AGPAT4: variants seen among roughly 807,000 people sequenced by gnomAD.
The protein encoded by AGPAT4 is 1-acyl-sn-glycerol-3-phosphate acyltransferase delta.
AGPAT4 carries 15 observed loss-of-function variants against 48.0 expected under a neutral mutation model. The observed-to-expected ratio is 0.31, with a 90% confidence interval of 0.21 to 0.48. AGPAT4 has a LOEUF of 0.48. Among genes scored for constraint, AGPAT4 ranks in the 20% least tolerant of loss-of-function variants. The pLI is 0.99. For synonymous variants in AGPAT4, 178 were observed against 198.7 expected, an observed-to-expected ratio of 0.90 and a Z score of 0.88; for missense variants, 314 against 482.5, an observed-to-expected ratio of 0.65 and a Z score of 3.27.
At position 161,214,303 on chromosome 6, in the gene AGPAT4, C is replaced by A. The variant is rs1418648486; in HGVS notation, c.178+17733G>T. Among the ~76,000 whole-genome samples the A allele has an allele frequency of 2.0e-5, 3 of 152,200 alleles. No homozygotes were observed. Among genetic ancestry groups the A allele is most frequent in the African/African-American group, 4.8e-5 (2 of 41,448 alleles). ...TTGTCAGGACCTCCTGAGGCTGTGT[C>A]ACAGGCACACATCCTCAACCTTGAC... On this transcript the variant is annotated intron_variant, in intron 2 of 8. Coordinates refer to ENST00000320285, the MANE Select transcript of AGPAT4 (RefSeq NM_020133.3). The surrounding 1 kb of genome is among the most constrained non-coding windows in gnomAD (Gnocchi z 5.4).
At chr6:161,228,009 T>A (rs891199989) in intron 2 of AGPAT4, among the ~76,000 whole-genome samples, 1 of 152,160 alleles carries the variant, frequency 6.6e-6, no homozygotes, top group African/African-American at 2.4e-5. Context: ...TGTGTTGAAG[T>A]TACCTGTCCA....
intron 8 of AGPAT4, among the ~76,000 whole-genome samples, chr6:161,136,984 G>GAAGT (rs1457668571): frequency 2.0e-5 from 3 of 152,206 alleles, no homozygotes; most frequent in Admixed American, 6.5e-5. Context: ...TAAGGGACAG[G>GAAGT]AAGTTAACAG....
In AGPAT4 at chr6:161,201,806, T is replaced by C. The variant is rs907083516; in HGVS notation, c.178+30230A>G. On this transcript the variant is annotated intron_variant, in intron 2 of 8. Coordinates refer to ENST00000320285, the MANE Select transcript of AGPAT4 (RefSeq NM_020133.3). This position sits in a 1 kb window ranked among gnomAD's most constrained non-coding sequence, Gnocchi z 6.0. ...TTGGCTCTCTTCATTCTCTAACCAG[T>C]GCAAGAGGAAGTCCCATTTCACAGA... 1.3e-5 allele frequency among the ~76,000 whole-genome samples: 2 copies of C among 152,190 alleles called. No individual in the cohort carries two copies. Among genetic ancestry groups the C allele is most frequent in the Admixed American group, 1.3e-4 (2 of 15,282 alleles).
chr6:161,172,250 G>A (rs917989885), intron 2 of AGPAT4, among the ~76,000 whole-genome samples: 6 of 152,216 alleles, frequency 3.9e-5, no homozygotes, highest in Admixed American at 3.3e-4. Flanking sequence ...CAAGGAGGAA[G>A]GACATGGTCA....
In AGPAT4 at chr6:161,153,959, G is replaced by A. The variant is rs1182786556; in HGVS notation, c.510+190C>T. 5.0e-5 allele frequency: 35 copies of A among 703,528 alleles called. 1 individual carries two copies. The highest frequency in any genetic ancestry group is 2.6e-4 in the East Asian group (9 of 34,190). The allele number at this position is 703,528 out of a possible 1,614,324, so 43.6% of individuals were successfully genotyped here. On this transcript the variant is annotated intron_variant, in intron 4 of 8. Transcript: ENST00000320285. ...GTCATACACGGCCCCACAGTCATAC[G>A]TGGCCCCACGGTCACACACGGCCCC...
At position 161,130,767 on chromosome 6, in the gene AGPAT4, C is replaced by T; in HGVS notation, c.*5773G>A. ...GTTGTAGCCTTGGCACAGCTGAGGC[C>T]ATGCCATTGCTACCCGGAAGCTGGC... On this transcript the variant is annotated 3_prime_UTR_variant, in exon 9 of 9. Transcript: ENST00000320285. 1 of 496,940 alleles carries T rather than the reference C, an allele frequency of 2.0e-6. No homozygotes were observed. The highest frequency in any genetic ancestry group is 4.1e-6 in the Non-Finnish European group (1 of 245,416). 30.8% of individuals were successfully genotyped at this position (496,940 alleles called of 1,614,324 possible).
intron 2 of AGPAT4, among the ~76,000 whole-genome samples, chr6:161,205,002 G>C (rs1487961462): frequency 6.6e-6 from 1 of 152,168 alleles, no homozygotes; most frequent in Non-Finnish European, 1.5e-5. Context: ...AACCAGGAAG[G>C]AAGCCAGCCT....
At chr6:161,179,260 T>C (rs963620647) in intron 2 of AGPAT4, among the ~76,000 whole-genome samples, 14 of 152,188 alleles carry the variant, frequency 9.2e-5, no homozygotes, top group Non-Finnish European at 1.8e-4. Context: ...AGGACGTGTG[T>C]GGCTGGGAGC....
rs1193527276 is a variant in AGPAT4, at chr6:161,136,385, C to T, written c.*155G>A. ...ATTACAAAACATCTTCCTCCCCATC[C>T]GGCCTTGAGACCAGACTCCCTGGCT... On this transcript the variant is annotated 3_prime_UTR_variant, in exon 9 of 9. Coordinates refer to ENST00000320285, the MANE Select transcript of AGPAT4 (RefSeq NM_020133.3). The T allele has an allele frequency of 2.1e-5, 13 of 628,976 alleles. No homozygotes were observed. Among genetic ancestry groups the T allele is most frequent in the Admixed American group, 2.8e-5 (1 of 35,272 alleles). 39.0% of individuals were successfully genotyped at this position (628,976 alleles called of 1,614,324 possible). A position where few individuals can be genotyped will look rare whatever the true frequency, so the allele number is the denominator to read the frequency against.
At position 161,249,371 on chromosome 6, in the gene AGPAT4, AACAG is replaced by A. The variant is rs1349457994; in HGVS notation, c.-89-17073_-89-17070del. 3.3e-5 allele frequency among the ~76,000 whole-genome samples: 5 copies of A among 152,368 alleles called. No homozygotes were observed. In the East Asian group the frequency reaches 9.6e-4, roughly 29 times the overall value. On this transcript the variant is annotated intron_variant, in intron 1 of 8. Coordinates refer to ENST00000320285, the MANE Select transcript of AGPAT4 (RefSeq NM_020133.3). The surrounding 1 kb of genome is among the most constrained non-coding windows in gnomAD (Gnocchi z 6.2). ...AGCAAAGGAAACTATCAACTAAGTG[AACAG>A]ACAACCTACAGAATGGGATGATATA...
chr6:161,139,718 G>T lies in AGPAT4; in HGVS notation c.844-98C>A. ...CCAAGGGAATCGCAGAGATACACAG[G>T]TGCCACCGGGGCTCGGCAGAACTGG... On this transcript the variant is annotated intron_variant, in intron 7 of 8. Coordinates refer to ENST00000320285, the MANE Select transcript of AGPAT4 (RefSeq NM_020133.3). This position sits in a 1 kb window ranked among gnomAD's most constrained non-coding sequence, Gnocchi z 9.1. The T allele has an allele frequency of 9.2e-7, 1 of 1,092,746 alleles. No individual in the cohort carries two copies. Among genetic ancestry groups the T allele is most frequent in the Non-Finnish European group, 1.3e-6 (1 of 761,396 alleles). 67.7% of individuals were successfully genotyped at this position (1,092,746 alleles called of 1,614,324 possible). A position where few individuals can be genotyped will look rare whatever the true frequency, so the allele number is the denominator to read the frequency against.
chr6:161,224,398 C>T (rs1781913218), intron 2 of AGPAT4, among the ~76,000 whole-genome samples: 1 of 151,948 alleles, frequency 6.6e-6, no homozygotes, highest in Non-Finnish European at 1.5e-5. Context: ...AATCCCAGCA[C>T]TTTGGGAGGT....
chr6:161,223,593 AAT>A lies in AGPAT4; in HGVS notation c.178+8441_178+8442del. ...AACACGTGACAAATGTAGCGAGTGT[AAT>A]GACTGCAGCTGAAAATAGCTGTCCA... On this transcript the variant is annotated intron_variant, in intron 2 of 8. Transcript: ENST00000320285. This position sits in a 1 kb window ranked among gnomAD's most constrained non-coding sequence, Gnocchi z 6.3. 6.6e-6 allele frequency among the ~76,000 whole-genome samples: 1 copy of A among 152,230 alleles called. No homozygotes were observed. Among genetic ancestry groups the A allele is most frequent in the Non-Finnish European group, 1.5e-5 (1 of 68,052 alleles).
rs1783140267 is a variant in AGPAT4 at position 161,262,823 on chromosome 6, T to C, written c.-90+11115A>G. On this transcript the variant is annotated intron_variant, in intron 1 of 8. Transcript: ENST00000320285. This position sits in a 1 kb window ranked among gnomAD's most constrained non-coding sequence, Gnocchi z 4.9. The stretch of plus-strand genomic sequence containing the variant: ...AGATAACTCCAGTGAAAAAAACCTC[T>C]AGGAGAACATGAGGATAACGTCATA... Among the ~76,000 whole-genome samples the C allele has an allele frequency of 6.6e-6, 1 of 152,052 alleles. No individual in the cohort carries two copies. The highest frequency in any genetic ancestry group is 1.9e-4 in the East Asian group (1 of 5,184).
rs546808181 is a variant in AGPAT4, at chr6:161,171,469, C to T, written c.179-5052G>A. On this transcript the variant is annotated intron_variant, in intron 2 of 8. Coordinates refer to ENST00000320285, the MANE Select transcript of AGPAT4 (RefSeq NM_020133.3). The surrounding 1 kb of genome is among the most constrained non-coding windows in gnomAD (Gnocchi z 4.4). ...CTCAAGTGAGAGAAATAAGGGAAAG[C>T]GGCTGAACTCATCCACTTAGCAGGA... Among the ~76,000 whole-genome samples the T allele has an allele frequency of 4.6e-5, 7 of 152,324 alleles. No homozygotes were observed. Among genetic ancestry groups the T allele is most frequent in the Admixed American group, 2.0e-4 (3 of 15,304 alleles).
intron 2 of AGPAT4, among the ~76,000 whole-genome samples, chr6:161,224,173 CTTGT>C (rs1435729396): frequency 3.3e-5 from 5 of 152,138 alleles, no homozygotes; most frequent in South Asian, 2.1e-4. Flanking sequence ...TTTGTTGTTG[CTTGT>C]TTGTTTGTTT....
Position 161,154,279 on chromosome 6 carries a change from G to A in AGPAT4, c.380C>T (p.Ala127Val). ...CATCCAGCCGATAATTGGGACATAGGCCAGCTCTTTCTTGGCCAGGACCTT... is the reference window on the plus strand; with the variant it reads ...CATCCAGCCGATAATTGGGACATAGACCAGCTCTTTCTTGGCCAGGACCTT... ...GSKVLAKKEL[A>V]YVPIIGWMWY... The change falls in exon 4 of 9, where the codon GCC becomes GTC. Residue 127 changes from alanine (A) to valine (V), a missense_variant. Transcript: ENST00000320285. This position sits in a 1 kb window ranked among gnomAD's most constrained non-coding sequence, Gnocchi z 7.8. The A allele has an allele frequency of 6.2e-7, 1 of 1,614,198 alleles. No homozygotes were observed. Among genetic ancestry groups the A allele is most frequent in the Non-Finnish European group, 8.5e-7 (1 of 1,180,036 alleles).
Position 161,159,069 on chromosome 6 carries a change from A to T in AGPAT4, c.349-4759T>A, listed in dbSNP as rs1479894129. On this transcript the variant is annotated intron_variant, in intron 3 of 8. Transcript: ENST00000320285. The surrounding 1 kb of genome is among the most constrained non-coding windows in gnomAD (Gnocchi z 4.1). ...AAAAACAGGTGAGATGTTCCTTAAC[A>T]ATAAAGCAGGCTAAACAGCCTGCCT... Among the ~76,000 whole-genome samples the T allele has an allele frequency of 6.6e-6, 1 of 152,228 alleles. No homozygotes were observed. Among genetic ancestry groups the T allele is most frequent in the East Asian group, 1.9e-4 (1 of 5,194 alleles).
At chr6:161,271,470 TCAC>T (rs1783422662) in intron 1 of AGPAT4, among the ~76,000 whole-genome samples, 1 of 152,208 alleles carries the variant, frequency 6.6e-6, no homozygotes. Context: ...GCTGCCTTCT[TCAC>T]CAACTTCACA....
Sources: gnomAD v4.1 joint callset for allele counts (sites outside exome capture counted in the v4.1 genomes callset) on GRCh38, gnomAD v4.1.1 for gene constraint, Gnocchi (gnomAD v3.1) non-coding constraint, MANE v1.5 for transcripts, NCBI Gene and HGNC (gene_info 2026-07-23, HGNC 2026-07-21) for gene names.